Variants in RAB6A observed in about 807,000 individuals in gnomAD.
The protein encoded by RAB6A is ras-related protein Rab-6A.
RAB6A carries 8 observed loss-of-function variants against 32.3 expected under a neutral mutation model. The observed-to-expected ratio is 0.25, with a 90% CI of 0.15 to 0.45. The LOEUF (loss-of-function observed/expected upper bound fraction) is 0.45. RAB6A is among the 20% of genes least tolerant of loss of function. RAB6A has a pLI of 1.00. For synonymous variants in RAB6A, 73 were observed against 82.1 expected, an observed-to-expected ratio of 0.89 and a Z score of 0.60; for missense variants, 104 against 249.4, an observed-to-expected ratio of 0.42 and a Z score of 3.93.
chr11:73,718,502 T>C (rs2134946512), intron 4 of RAB6A, 111 bp downstream of exon 4: 1 of 915,570 alleles, frequency 1.1e-6, no homozygotes, highest in Non-Finnish European at 1.6e-6. Flanking sequence ...TTTACTATGA[T>C]AAAACTTATT....
At chr11:73,709,842 CAT>C (rs919553674) in intron 5 of RAB6A, among the ~76,000 whole-genome samples, 14 of 29,950 alleles carry the variant, frequency 4.7e-4, no homozygotes, top group Admixed American at 4.0e-3. Flanking sequence ...CATATATACA[CAT>C]ATATATACAT....
At chr11:73,705,713 A>G (rs998141636) in intron 6 of RAB6A, among the ~76,000 whole-genome samples, 17 of 151,408 alleles carry the variant, frequency 1.1e-4, no homozygotes, top group African/African-American at 3.9e-4. Context: ...TCAGTTACGT[A>G]TCACTTACTA....
In RAB6A at chr11:73,709,669, T is replaced by A. The variant is rs988280842; in HGVS notation, c.402-2156A>T. Reference sequence around the variant, plus strand: ...CATTTTCTGGCCCAGATGCCTAATTTGTCACTTCTTCAAGTAGCCCTGGTT... The same window carrying A: ...CATTTTCTGGCCCAGATGCCTAATTAGTCACTTCTTCAAGTAGCCCTGGTT... On this transcript the variant is annotated intron_variant, in intron 5 of 7. Coordinates refer to ENST00000336083, the MANE Select transcript of RAB6A (RefSeq NM_198896.2). Among the ~76,000 whole-genome samples, 7 of 149,902 alleles carry A rather than the reference T, an allele frequency of 4.7e-5. No individual in the cohort carries two copies. The Admixed American group carries it at 4.7e-4, about 10-fold the overall frequency.
chr11:73,707,349 T>C (rs983425428), intron 6 of RAB6A, 71 bp downstream of exon 6: 39 of 1,126,530 alleles, frequency 3.5e-5, no homozygotes, highest in Non-Finnish European at 4.7e-5. Flanking sequence ...AGGAAACCTA[T>C]ACACCAGAGA....
intron 2 of RAB6A, among the ~76,000 whole-genome samples, chr11:73,722,900 G>A (rs1326068557): frequency 6.6e-6 from 1 of 151,708 alleles, no homozygotes; most frequent in Non-Finnish European, 1.5e-5. Context: ...TCTGCCTCCT[G>A]GGTTCAAGCA....
intron 6 of RAB6A, among the ~76,000 whole-genome samples, chr11:73,689,987 T>A (rs1424586835): frequency 3.3e-5 from 5 of 152,166 alleles, no homozygotes; most frequent in Non-Finnish European, 7.4e-5. Flanking sequence ...CAGTTTGGCT[T>A]TTTTTGTCAA....
In RAB6A at chr11:73,741,898, C is replaced by T. The variant is rs547433819; in HGVS notation, c.71-11075G>A. On this transcript the variant is annotated intron_variant, in intron 1 of 7. Transcript: ENST00000336083. ...TCACAGCAAAATTGAGAGGCACTTA[C>T]TGATATTTCCTATATATCTCCTGCC... 5.3e-5 allele frequency among the ~76,000 whole-genome samples: 8 copies of T among 152,198 alleles called. 1 individual carries two copies. The South Asian group carries it at 6.2e-4, about 12-fold the overall frequency.
chr11:73,760,289 G>A (rs1392818744), intron 1 of RAB6A, among the ~76,000 whole-genome samples: 1 of 152,192 alleles, frequency 6.6e-6, no homozygotes, highest in Non-Finnish European at 1.5e-5. Context: ...AGGCTGGGCG[G>A]GGTGAGGTCT....
At chr11:73,745,249 G>T (rs1448478916) in intron 1 of RAB6A, among the ~76,000 whole-genome samples, 1 of 152,104 alleles carries the variant, frequency 6.6e-6, no homozygotes. Context: ...TATTTTTCTT[G>T]TTCATAGCTG....
chr11:73,709,950 C>T lies in RAB6A; in HGVS notation c.402-2437G>A, dbSNP rs11235870. On this transcript the variant is annotated intron_variant, in intron 5 of 7. Coordinates refer to ENST00000336083, the MANE Select transcript of RAB6A (RefSeq NM_198896.2). ...ATATATATACATACACACACACACACATATATATATATTTTTTTTTTTTTT... is the reference window on the plus strand; with the variant it reads ...ATATATATACATACACACACACACATATATATATATATTTTTTTTTTTTTT... 4.7e-4 allele frequency among the ~76,000 whole-genome samples: 27 copies of T among 57,378 alleles called. 1 individual carries two copies. The highest frequency in any genetic ancestry group is 1.2e-3 in the East Asian group (2 of 1,630). 37.6% of individuals were successfully genotyped at this position (57,378 alleles called of 152,430 possible). A position where few individuals can be genotyped will look rare whatever the true frequency, so the allele number is the denominator to read the frequency against.
chr11:73,729,833 G>C (rs1946277844), intron 2 of RAB6A: 2 of 152,704 alleles, frequency 1.3e-5, no homozygotes, highest in African/African-American at 4.8e-5. Context: ...ACCCGGGCCA[G>C]GTACTAGACA....
intron 1 of RAB6A, among the ~76,000 whole-genome samples, chr11:73,737,359 C>A (rs1946415005): frequency 6.6e-6 from 1 of 151,926 alleles, no homozygotes. Flanking sequence ...GTGGCATGCA[C>A]CTGTAGTCCC....
intron 1 of RAB6A, among the ~76,000 whole-genome samples, chr11:73,747,817 G>A (rs952563401): frequency 7.2e-5 from 11 of 152,152 alleles, no homozygotes; most frequent in Middle Eastern, 3.4e-3. Flanking sequence ...GTTTTCTCAC[G>A]ATTAGACAGA....
chr11:73,755,869 GAAC>G (rs71065036), intron 1 of RAB6A, among the ~76,000 whole-genome samples: 71,588 of 148,998 alleles, frequency 0.48, 18,590 homozygotes, highest in East Asian at 0.59. Context: ...GGAGGAAGAA[GAAC>G]AAGAGGAGGA....
At position 73,677,969 on chromosome 11, in the gene RAB6A, CA is replaced by C; in HGVS notation, c.563-8del. ...TCCAGTTTTATGTCAATCACTGAAA[CA>C]AAAGTTAAGAAGCCATAAATGGGAA... On this transcript the variant is annotated splice_polypyrimidine_tract_variant and splice_region_variant and intron_variant, in intron 7 of 7. Transcript: ENST00000336083. 1.2e-6 allele frequency: 2 copies of C among 1,613,882 alleles called. No individual in the cohort carries two copies. Among genetic ancestry groups the C allele is most frequent in the Non-Finnish European group, 1.7e-6 (2 of 1,179,900 alleles).
chr11:73,694,117 G>C (rs1945620152), intron 6 of RAB6A, among the ~76,000 whole-genome samples: 1 of 152,136 alleles, frequency 6.6e-6, no homozygotes, highest in African/African-American at 2.4e-5. Flanking sequence ...ACTGATGTGG[G>C]GTGGGGCTGA....
rs1237666478 is a variant in RAB6A at position 73,677,133 on chromosome 11, G to C, written c.*765C>G. The C allele has an allele frequency of 6.0e-6, 1 of 167,064 alleles. No homozygotes were observed. The highest frequency in any genetic ancestry group is 1.5e-5 in the Non-Finnish European group (1 of 68,118). The allele number at this position is 167,064 out of a possible 1,614,324, so 10.3% of individuals were successfully genotyped here. A position where few individuals can be genotyped will look rare whatever the true frequency, so the allele number is the denominator to read the frequency against. ...AGCACTTGGTTAATTTTCTCTCCCA[G>C]AGTCTAATAAAGCACATGTGAAAGA... On this transcript the variant is annotated 3_prime_UTR_variant, in exon 8 of 8. Transcript: ENST00000336083.
At chr11:73,682,031 C>T (rs909763440) in intron 6 of RAB6A, among the ~76,000 whole-genome samples, 2 of 152,126 alleles carry the variant, frequency 1.3e-5, no homozygotes, top group African/African-American at 4.8e-5. Context: ...GAACACTTAC[C>T]TTAACATCAT....
chr11:73,676,763 G>C lies in RAB6A; in HGVS notation c.*1135C>G, dbSNP rs1353951994. On this transcript the variant is annotated 3_prime_UTR_variant, in exon 8 of 8. Coordinates refer to ENST00000336083, the MANE Select transcript of RAB6A (RefSeq NM_198896.2). ...GGTTTCCGGTTTCCGTCTTCAATTT[G>C]ACCTCAAATGTCCTGAGCAAAGTTT... 1.2e-5 allele frequency: 2 copies of C among 166,990 alleles called. No homozygotes were observed. The highest frequency in any genetic ancestry group is 4.8e-5 in the African/African-American group (2 of 41,424). The allele number at this position is 166,990 out of a possible 1,614,324, so 10.3% of individuals were successfully genotyped here.
Sources: allele counts gnomAD v4.1 joint callset (sites outside exome capture counted in the v4.1 genomes callset), GRCh38; gene constraint gnomAD v4.1.1; transcripts MANE v1.5; gene names NCBI Gene and HGNC (gene_info 2026-07-23, HGNC 2026-07-21).